Variants in TMEM87B observed in about 807,000 individuals in gnomAD.
TMEM87B encodes transmembrane protein 87B.
In TMEM87B, 83 loss-of-function variants were observed where a neutral mutation model predicts 80.3. The ratio of observed to expected loss-of-function variants is 1.03; its 90% CI spans 0.87 to 1.24. The LOEUF (loss-of-function observed/expected upper bound fraction) is 1.24. TMEM87B is among the 50% of genes most tolerant of loss of function. The pLI, the probability that TMEM87B is intolerant of heterozygous loss-of-function variation, is 0.00. For synonymous variants in TMEM87B, 219 were observed against 230.5 expected (o/e 0.95, Z 0.45); for missense variants, 625 against 674.4 (o/e 0.93, Z 0.81).
chr2:112,085,429 C>G (rs552928298), intron 8 of TMEM87B, among the ~76,000 whole-genome samples: 1 of 152,176 alleles, frequency 6.6e-6, no homozygotes, highest in Admixed American at 6.5e-5. Context: ...TTTTCAGGAC[C>G]CAATTCTAGT....
chr2:112,070,276 A>G (rs531027264), intron 4 of TMEM87B, among the ~76,000 whole-genome samples: 2 of 152,288 alleles, frequency 1.3e-5, no homozygotes, highest in South Asian at 2.1e-4. Context: ...GGTATGGTCT[A>G]GGTTGTCTTC....
intron 4 of TMEM87B, 65 bp downstream of exon 4, chr2:112,067,132 G>A: frequency 6.4e-7 from 1 of 1,559,362 alleles, no homozygotes; most frequent in Non-Finnish European, 8.6e-7. Context: ...ATCAACTGAA[G>A]TAATGTTTTA....
At position 112,116,502 on chromosome 2, in the gene TMEM87B, C is replaced by T. The variant is rs926008774; in HGVS notation, c.*359C>T. ...AAGAAAAATGTTTTTTAATAAATAC[C>T]CTTGGTCTTTCTTCTAGTCACCTTT... is the stretch of plus-strand genomic sequence containing the variant. On this transcript the variant is annotated 3_prime_UTR_variant, in exon 19 of 19. Coordinates refer to ENST00000283206, the MANE Select transcript of TMEM87B (RefSeq NM_032824.3). 5.9e-6 allele frequency: 1 copy of T among 168,214 alleles called. No individual in the cohort carries two copies. The highest frequency in any genetic ancestry group is 1.3e-5 in the Non-Finnish European group (1 of 79,106). 10.4% of individuals were successfully genotyped at this position (168,214 alleles called of 1,614,324 possible).
intron 9 of TMEM87B, 99 bp downstream of exon 9, chr2:112,086,203 G>T: frequency 1.2e-6 from 1 of 844,554 alleles, no homozygotes. Flanking sequence ...AAGTATTGTA[G>T]TACAAATCCC....
Position 112,107,796 on chromosome 2 carries a change from T to G in TMEM87B, c.1533T>G (p.Asp511Glu). Residue 511 changes from aspartate to glutamate, a missense_variant, in exon 17 of 19, where the codon GAT becomes GAG. By Grantham distance (45) the Asp-to-Glu change is conservative. Transcript: ENST00000283206. ...KPATSENFDE[D>E]LKWVEENIPS... ...TATAAATATTTCTACAGGATGAAGA[T>G]TTGAAGTGGGTAGAAGAAAATATTC... 6.3e-7 allele frequency: 1 copy of G among 1,576,500 alleles called. No individual in the cohort carries two copies. Among genetic ancestry groups the G allele is most frequent in the Non-Finnish European group, 8.7e-7 (1 of 1,154,126 alleles).
At chr2:112,097,983 T>TC (rs1679522491) in intron 13 of TMEM87B, among the ~76,000 whole-genome samples, 1 of 133,608 alleles carries the variant, frequency 7.5e-6, no homozygotes, top group African/African-American at 3.2e-5. Flanking sequence ...CGATGTTTTC[T>TC]TTTTTTTTTT....
intron 4 of TMEM87B, among the ~76,000 whole-genome samples, chr2:112,073,681 C>T (rs1035654928): frequency 3.9e-5 from 6 of 152,070 alleles, no homozygotes; most frequent in African/African-American, 1.4e-4. Flanking sequence ...TGATCTAATA[C>T]TTTCAGTCGG....
At chr2:112,080,926 C>G in intron 6 of TMEM87B, 131 bp from the exon 7 acceptor site, 2 of 717,640 alleles carry the variant, frequency 2.8e-6, no homozygotes, top group South Asian at 3.5e-5. Context: ...TGTCCAATAC[C>G]ATGTATGTGC....
chr2:112,080,178 C>T (rs965926441), intron 6 of TMEM87B, among the ~76,000 whole-genome samples: 1 of 152,030 alleles, frequency 6.6e-6, no homozygotes, highest in African/African-American at 2.4e-5. Context: ...ATCTGCCCAC[C>T]TTGGCCTCCC....
intron 10 of TMEM87B, among the ~76,000 whole-genome samples, chr2:112,090,562 G>A (rs1166935864): frequency 1.3e-5 from 2 of 152,156 alleles, no homozygotes; most frequent in Non-Finnish European, 2.9e-5. Flanking sequence ...GAGTAGCTGG[G>A]ACTACAGGTG....
At position 112,077,172 on chromosome 2, in the gene TMEM87B, T is replaced by A; in HGVS notation, c.502-20T>A. 1 of 1,441,296 alleles carries A rather than the reference T, an allele frequency of 6.9e-7. No individual in the cohort carries two copies. Among genetic ancestry groups the A allele is most frequent in the Non-Finnish European group, 9.5e-7 (1 of 1,051,118 alleles). The allele number at this position is 1,441,296 out of a possible 1,614,324, so 89.3% of individuals were successfully genotyped here. A position where few individuals can be genotyped will look rare whatever the true frequency, so the allele number is the denominator to read the frequency against. On this transcript the variant is annotated intron_variant, in intron 5 of 18. Transcript: ENST00000283206. The stretch of plus-strand genomic sequence containing the variant: ...CAATTTGTTAAAAATAATGAAGAAT[T>A]TTTTTCACCTCTATTTCAGGATGTT...
At chr2:112,084,658 T>C (rs1679093668) in intron 8 of TMEM87B, among the ~76,000 whole-genome samples, 2 of 152,254 alleles carry the variant, frequency 1.3e-5, no homozygotes, top group South Asian at 2.1e-4. Flanking sequence ...CTGAAAACAG[T>C]GTGAACTGAA....
rs565509988 is a variant in TMEM87B at position 112,061,778 on chromosome 2, G to A, written c.226+1741G>A. Among the ~76,000 whole-genome samples, 20 of 152,320 alleles carry A rather than the reference G, an allele frequency of 1.3e-4. No homozygotes were observed. In the South Asian group the frequency reaches 4.1e-3, roughly 32 times the overall value. On this transcript the variant is annotated intron_variant, in intron 2 of 18. Coordinates refer to ENST00000283206, the MANE Select transcript of TMEM87B (RefSeq NM_032824.3). The stretch of plus-strand genomic sequence containing the variant: ...GTTGTTATTAACTTATCTAAAGAAA[G>A]AATGGGACAGCATGAGGGATTTAAG...
At chr2:112,089,925 G>A (rs552802253) in intron 10 of TMEM87B, among the ~76,000 whole-genome samples, 42 of 152,308 alleles carry the variant, frequency 2.8e-4, no homozygotes, top group African/African-American at 9.4e-4. Context: ...GACTGATTGC[G>A]AAGGCACCGC....
intron 14 of TMEM87B, among the ~76,000 whole-genome samples, chr2:112,099,530 A>ATG (rs1230237803): frequency 1.2e-5 from 1 of 80,328 alleles, no homozygotes; most frequent in African/African-American, 5.8e-5. Flanking sequence ...TAATACATAT[A>ATG]TATATATATA....
intron 15 of TMEM87B, among the ~76,000 whole-genome samples, chr2:112,101,286 T>C (rs1351846973): frequency 6.6e-6 from 1 of 152,196 alleles, no homozygotes; most frequent in Non-Finnish European, 1.5e-5. Flanking sequence ...TCACCTTCTG[T>C]TTTGGTTCTC....
chr2:112,077,894 G>A (rs917672005), intron 6 of TMEM87B, among the ~76,000 whole-genome samples: 3 of 152,214 alleles, frequency 2.0e-5, no homozygotes, highest in Non-Finnish European at 4.4e-5. Context: ...CACTTTGGCT[G>A]ATGTTTTCCA....
intron 17 of TMEM87B, among the ~76,000 whole-genome samples, chr2:112,109,425 C>T (rs56214336): frequency 0.024 from 3,724 of 152,036 alleles, 63 homozygotes; most frequent in African/African-American, 0.055. Flanking sequence ...AATGTATTTA[C>T]TTTTCCTTCC....
At chr2:112,062,220 A>G (rs1678280562) in intron 2 of TMEM87B, among the ~76,000 whole-genome samples, 1 of 152,198 alleles carries the variant, frequency 6.6e-6, no homozygotes, top group Non-Finnish European at 1.5e-5. Flanking sequence ...TAAGCTAAGG[A>G]CTGGTCCCTT....
Sources: allele counts gnomAD v4.1 joint callset (sites outside exome capture counted in the v4.1 genomes callset), GRCh38; gene constraint gnomAD v4.1.1; transcripts MANE v1.5; gene names NCBI Gene and HGNC (gene_info 2026-07-23, HGNC 2026-07-21).